The following AVEN variants were observed in gnomAD, a reference collection of about 807,000 sequenced individuals.
The protein encoded by AVEN is cell death regulator Aven.
A neutral mutation model predicts 38.1 loss-of-function variants in AVEN; 41 were observed. The observed-to-expected ratio is 1.08, with a 90% CI of 0.84 to 1.40. AVEN has a LOEUF of 1.40. Among genes scored for constraint, AVEN ranks in the 40% most tolerant of loss-of-function variants. The probability of loss-of-function intolerance (pLI) is 0.00; values close to 1 mark genes in which losing one functional copy is unlikely to be tolerated. For missense variants in AVEN, 605 were observed against 438.8 expected, an observed-to-expected ratio of 1.38 and a Z score of -3.38; for synonymous variants, 206 against 171.8, an observed-to-expected ratio of 1.20 and a Z score of -1.56.
intron 3 of AVEN, among the ~76,000 whole-genome samples, chr15:33,873,527 A>G (rs1478732373): frequency 6.7e-6 from 1 of 148,152 alleles, no homozygotes; most frequent in Non-Finnish European, 1.5e-5. Flanking sequence ...AACATATAAT[A>G]TATATTATAT....
intron 2 of AVEN, among the ~76,000 whole-genome samples, chr15:33,952,941 G>A (rs542152417): frequency 2.6e-5 from 4 of 151,058 alleles, no homozygotes; most frequent in Non-Finnish European, 5.9e-5. Context: ...AAGACTTTTC[G>A]TCTCAGGATA....
At chr15:33,979,902 G>A (rs997102109) in intron 2 of AVEN, among the ~76,000 whole-genome samples, 3 of 152,280 alleles carry the variant, frequency 2.0e-5, no homozygotes, top group African/African-American at 7.2e-5. Context: ...AGAGATTCAA[G>A]ATTGGTATTA....
intron 2 of AVEN, among the ~76,000 whole-genome samples, chr15:33,934,092 G>A (rs941728857): frequency 6.6e-6 from 1 of 152,000 alleles, no homozygotes; most frequent in Non-Finnish European, 1.5e-5. Context: ...AAGATCTTCA[G>A]GACCAGGTGT....
chr15:33,961,701 T>C (rs886844707), intron 2 of AVEN, among the ~76,000 whole-genome samples: 7 of 148,962 alleles, frequency 4.7e-5, no homozygotes, highest in Admixed American at 1.4e-4. Flanking sequence ...TAGTCCCAGC[T>C]ACTCGGGAGG....
At chr15:34,028,112 G>T (rs1043085651) in intron 1 of AVEN, among the ~76,000 whole-genome samples, 2 of 152,144 alleles carry the variant, frequency 1.3e-5, no homozygotes, top group Non-Finnish European at 2.9e-5. Flanking sequence ...CCCCCCCTCA[G>T]CAAAAGCTGG....
chr15:33,997,870 A>T (rs1332997267), intron 2 of AVEN, among the ~76,000 whole-genome samples: 1 of 152,188 alleles, frequency 6.6e-6, no homozygotes, highest in Admixed American at 6.5e-5. Flanking sequence ...GTCAGGGAAA[A>T]GTATACCTGT....
chr15:33,952,424 T>C (rs999158775), intron 2 of AVEN, among the ~76,000 whole-genome samples: 15 of 152,200 alleles, frequency 9.9e-5, no homozygotes, highest in African/African-American at 2.9e-4. Flanking sequence ...CTGTAGTAAC[T>C]TGGTTGCAGG....
At chr15:34,001,840 A>G (rs1443544958) in intron 2 of AVEN, among the ~76,000 whole-genome samples, 1 of 152,248 alleles carries the variant, frequency 6.6e-6, no homozygotes, top group Admixed American at 6.5e-5. Context: ...GCATTCAAAA[A>G]TACAGGCAGA....
At chr15:33,951,839 G>A (rs1441391662) in intron 2 of AVEN, among the ~76,000 whole-genome samples, 1 of 152,152 alleles carries the variant, frequency 6.6e-6, no homozygotes, top group Non-Finnish European at 1.5e-5. Flanking sequence ...ACAGAGGAAA[G>A]TTTGATAAAT....
intron 2 of AVEN, among the ~76,000 whole-genome samples, chr15:33,962,964 T>G (rs1895254402): frequency 1.4e-5 from 2 of 143,228 alleles, no homozygotes; most frequent in African/African-American, 5.7e-5. Context: ...AAAATTCTCA[T>G]ACAGAAGTAT....
In AVEN at chr15:34,015,593, C is replaced by T. The variant is rs114090117; in HGVS notation, c.268-12384G>A. Among the ~76,000 whole-genome samples the T allele has an allele frequency of 7.2e-3, 1,102 of 152,220 alleles. 16 individuals are homozygous for T. The highest frequency in any genetic ancestry group is 0.026 in the African/African-American group (1,068 of 41,520). On this transcript the variant is annotated intron_variant, in intron 1 of 5. Transcript: ENST00000306730. Reference sequence around the variant, plus strand: ...GAAATTAAACTAACTAAAAATTCCACCCTCGGTCTTTAGGAGCTAAGAATA... The same window carrying T: ...GAAATTAAACTAACTAAAAATTCCATCCTCGGTCTTTAGGAGCTAAGAATA...
upstream of AVEN, among the ~76,000 whole-genome samples, chr15:34,040,655 G>A (rs747212936): frequency 3.3e-5 from 5 of 151,986 alleles, no homozygotes; most frequent in African/African-American, 4.8e-5. Context: ...CAGGCCAGGT[G>A]TGTGGTTCGT....
intron 2 of AVEN, among the ~76,000 whole-genome samples, chr15:33,946,048 A>C (rs1223193322): frequency 2.0e-5 from 3 of 152,214 alleles, no homozygotes; most frequent in Non-Finnish European, 4.4e-5. Flanking sequence ...AGTATTCAAT[A>C]AATTCATGGA....
At chr15:33,917,004 G>A (rs1280870471) in intron 2 of AVEN, among the ~76,000 whole-genome samples, 2 of 152,038 alleles carry the variant, frequency 1.3e-5, no homozygotes, top group Non-Finnish European at 1.5e-5. Flanking sequence ...ACTGTCATGA[G>A]AACAGCATGT....
downstream of AVEN, among the ~76,000 whole-genome samples, chr15:33,862,443 GCTATCCACCCAC>G (rs1888635479): frequency 1.3e-5 from 2 of 152,152 alleles, no homozygotes; most frequent in South Asian, 4.2e-4. Flanking sequence ...CTGAGCTCAA[GCTATCCACCCAC>G]CTTGGCCTCC....
downstream of AVEN, among the ~76,000 whole-genome samples, chr15:33,863,813 T>C (rs1889417051): frequency 6.6e-6 from 1 of 152,200 alleles, no homozygotes; most frequent in South Asian, 2.1e-4. Flanking sequence ...TGGTAAGAAT[T>C]TGGGCTACCA....
Position 33,943,347 on chromosome 15 carries a change from C to A in AVEN, c.445+59685G>T, listed in dbSNP as rs553225717. Among the ~76,000 whole-genome samples the A allele has an allele frequency of 8.5e-5, 13 of 152,248 alleles. 1 individual carries two copies. In the South Asian group the frequency reaches 1.9e-3, roughly 22 times the overall value. Reference sequence around the variant, plus strand: ...GGACATTATTACCAAGTGAAATAAGCCAGTCACTAAAAGACAAATACTATA... The same window carrying A: ...GGACATTATTACCAAGTGAAATAAGACAGTCACTAAAAGACAAATACTATA... On this transcript the variant is annotated intron_variant, in intron 2 of 5. Transcript: ENST00000306730.
chr15:33,986,151 G>C (rs1186912615), intron 2 of AVEN, among the ~76,000 whole-genome samples: 1 of 151,696 alleles, frequency 6.6e-6, no homozygotes, highest in Non-Finnish European at 1.5e-5. Flanking sequence ...CTGTCGCCCA[G>C]GCTGGAGTGC....
At chr15:33,999,444 G>A (rs989541763) in intron 2 of AVEN, among the ~76,000 whole-genome samples, 35 of 152,226 alleles carry the variant, frequency 2.3e-4, no homozygotes, top group African/African-American at 6.7e-4. Context: ...CATTTATTAA[G>A]GAATTCTGAC....
Sources: allele counts gnomAD v4.1 joint callset (sites outside exome capture counted in the v4.1 genomes callset), GRCh38; gene constraint gnomAD v4.1.1; transcripts MANE v1.5; gene names NCBI Gene and HGNC (gene_info 2026-07-23, HGNC 2026-07-21).